Variants in PCDHGB4 observed in about 807,000 individuals in gnomAD.
PCDHGB4 encodes protocadherin gamma subfamily B, 4.
PCDHGB4 carries 38 observed loss-of-function variants against 60.5 expected under a neutral mutation model. The ratio of observed to expected loss-of-function variants is 0.63; its 90% CI spans 0.48 to 0.82. The LOEUF (loss-of-function observed/expected upper bound fraction) is 0.82, where lower values mean the gene tolerates loss of function less well. PCDHGB4 is among the 40% of genes least tolerant of loss of function. The pLI is 0.00. For missense variants in PCDHGB4, 1,109 were observed against 1,209.6 expected, an observed-to-expected ratio of 0.92 and a Z score of 1.23; for synonymous variants, 456 against 509.7, an observed-to-expected ratio of 0.89 and a Z score of 1.42.
chr5:141,446,558 T>G (rs1413501675), intron 1 of PCDHGB4, among the ~76,000 whole-genome samples: 3 of 151,788 alleles, frequency 2.0e-5, no homozygotes, highest in Non-Finnish European at 1.5e-5. Flanking sequence ...CTCACTGCAA[T>G]CTCTGCCTCC....
intron 1 of PCDHGB4, among the ~76,000 whole-genome samples, chr5:141,443,771 A>G (rs1031470429): frequency 9.2e-5 from 14 of 152,238 alleles, no homozygotes; most frequent in African/African-American, 3.1e-4. Context: ...ATACAATATT[A>G]CCAAAAAGAC....
chr5:141,415,772 T>TC, intron 1 of PCDHGB4: 1 of 1,332,986 alleles, frequency 7.5e-7, no homozygotes. Context: ...TTTTTTTTTT[T>TC]ACTTTCTGGT....
chr5:141,457,337 TTAC>T (rs1446765287), intron 1 of PCDHGB4, among the ~76,000 whole-genome samples: 2 of 152,202 alleles, frequency 1.3e-5, no homozygotes, highest in Non-Finnish European at 2.9e-5. Flanking sequence ...GGTACCTTAC[TTAC>T]TTTCATTACC....
intron 1 of PCDHGB4, chr5:141,408,127 G>A (rs1017651550): frequency 2.0e-6 from 3 of 1,480,258 alleles, no homozygotes; most frequent in African/African-American, 2.8e-5. Context: ...GTCCTGGGCC[G>A]AATGCTCTTT....
At position 141,432,298 on chromosome 5, in the gene PCDHGB4, A is replaced by G; in HGVS notation, c.2397+42017A>G. 6.2e-7 allele frequency: 1 copy of G among 1,614,236 alleles called. No homozygotes were observed. The highest frequency in any genetic ancestry group is 8.5e-7 in the Non-Finnish European group (1 of 1,180,036). The stretch of plus-strand genomic sequence containing the variant: ...TGTCCATCAACTCCGACACTGGGGT[A>G]CTGTATGCGCTGAGCTCCTTCGACT... On this transcript the variant is annotated intron_variant, in intron 1 of 3. Transcript: ENST00000519479. This position sits in a 1 kb window ranked among gnomAD's most constrained non-coding sequence, Gnocchi z 6.0.
intron 1 of PCDHGB4, chr5:141,410,640 G>T: frequency 1.3e-6 from 2 of 1,599,058 alleles, no homozygotes; most frequent in Non-Finnish European, 1.7e-6. Flanking sequence ...TCTTTTTTGT[G>T]TGTGATTTAT....
chr5:141,394,312 C>G (rs903124736), intron 1 of PCDHGB4: 3 of 1,613,908 alleles, frequency 1.9e-6, no homozygotes, highest in African/African-American at 1.3e-5. Context: ...CAGGGGGCGC[C>G]CCTGTCCTCG....
At chr5:141,433,837 C>CAAAA (rs56191208) in intron 1 of PCDHGB4, among the ~76,000 whole-genome samples, 6 of 111,700 alleles carry the variant, frequency 5.4e-5, no homozygotes, top group African/African-American at 1.9e-4. Flanking sequence ...AACTCTATCT[C>CAAAA]AAAAAAAAAA....
chr5:141,492,833 C>T (rs951935267), intron 1 of PCDHGB4, among the ~76,000 whole-genome samples: 2 of 152,222 alleles, frequency 1.3e-5, no homozygotes, highest in African/African-American at 4.8e-5. Flanking sequence ...CCCTTCCTCC[C>T]GCAGGAAGTG....
At chr5:141,403,414 T>C (rs373392812) in intron 1 of PCDHGB4, 142 of 1,613,926 alleles carry the variant, frequency 8.8e-5, no homozygotes, top group Middle Eastern at 1.6e-4. Context: ...GTTATCCACT[T>C]CCAGAAGCTA....
intron 2 of PCDHGB4, among the ~76,000 whole-genome samples, chr5:141,503,456 A>G (rs920770738): frequency 1.3e-5 from 2 of 152,058 alleles, no homozygotes; most frequent in African/African-American, 4.8e-5. Context: ...TTCGCTGGGC[A>G]TGGTGGCATG....
intron 1 of PCDHGB4, chr5:141,417,918 T>C (rs1371704441): frequency 1.2e-6 from 2 of 1,605,528 alleles, no homozygotes; most frequent in Non-Finnish European, 8.5e-7. Context: ...CTATTTCCTT[T>C]GCTGCTGCCT....
intron 1 of PCDHGB4, among the ~76,000 whole-genome samples, chr5:141,407,505 T>TTTTTTTTTTTTTTTTTTTTTTTGAG (rs1460306566): frequency 6.6e-6 from 1 of 152,146 alleles, no homozygotes; most frequent in Non-Finnish European, 1.5e-5. Context: ...CTGTTTTTCT[T>TTTTTTTTTTTTTTTTTTTTTTTGAG]AGGCTATGTA....
chr5:141,444,373 G>A (rs2098434682), intron 1 of PCDHGB4, among the ~76,000 whole-genome samples: 1 of 151,902 alleles, frequency 6.6e-6, no homozygotes, highest in South Asian at 2.1e-4. Context: ...GTTTCTCCAT[G>A]TTGGTCAGGC....
Position 141,388,662 on chromosome 5 carries a change from A to G in PCDHGB4, c.778A>G (p.Thr260Ala). The change falls in exon 1 of 4, where the codon ACG (threonine) becomes GCG (alanine). Residue 260 changes from threonine to alanine, a missense_variant. By Grantham distance (58) the Thr-to-Ala change is moderately conservative. This residue lies in a region of PCDHGB4 where 1,068 missense variants were observed against 1,089.9 expected (regional missense o/e 0.98). Transcript: ENST00000519479. ...SLSENVYPGT[T>A]VLQVTATDQD... ...TTCAGAAAACGTGTACCCGGGGACCACGGTGCTACAGGTGACTGCCACGGA... is the reference window on the plus strand; with the variant it reads ...TTCAGAAAACGTGTACCCGGGGACCGCGGTGCTACAGGTGACTGCCACGGA... 6.2e-7 allele frequency: 1 copy of G among 1,613,954 alleles called. No individual in the cohort carries two copies. The highest frequency in any genetic ancestry group is 1.3e-5 in the African/African-American group (1 of 75,036).
rs2099883798 is a variant in PCDHGB4, at chr5:141,511,451, AT to A, written c.*281del. On this transcript the variant is annotated 3_prime_UTR_variant, in exon 4 of 4. Transcript: ENST00000519479. ...GGGGTTACTGTAGACACCAAGAACC[AT>A]TTGCCACACCCCGTTTAGTTACAGC... The A allele has an allele frequency of 3.3e-6, 2 of 606,372 alleles. No individual in the cohort carries two copies. Among genetic ancestry groups the A allele is most frequent in the African/African-American group, 1.9e-5 (1 of 53,734 alleles). 37.6% of individuals were successfully genotyped at this position (606,372 alleles called of 1,614,324 possible).
chr5:141,449,804 T>C (rs991937787), intron 1 of PCDHGB4, among the ~76,000 whole-genome samples: 2 of 151,676 alleles, frequency 1.3e-5, no homozygotes, highest in Non-Finnish European at 2.9e-5. Flanking sequence ...AAATACCTCA[T>C]TGTGTATTTC....
chr5:141,403,465 G>A, intron 1 of PCDHGB4: 1 of 1,614,018 alleles, frequency 6.2e-7, no homozygotes, highest in Non-Finnish European at 8.5e-7. Context: ...AGAGCTACCA[G>A]CTCAGCCCCA....
At chr5:141,423,874 A>T (rs1264795133) in intron 1 of PCDHGB4, 2 of 1,283,268 alleles carry the variant, frequency 1.6e-6, no homozygotes, top group African/African-American at 3.1e-5. Flanking sequence ...GTCATTTTTC[A>T]ATCTTGGCAT....
Sources: gnomAD v4.1 joint callset for allele counts (sites outside exome capture counted in the v4.1 genomes callset) on GRCh38, gnomAD v4.1.1 for gene constraint, gnomAD v4.1.1 regional missense constraint, Gnocchi (gnomAD v3.1) non-coding constraint, MANE v1.5 for transcripts, NCBI Gene and HGNC (gene_info 2026-07-23, HGNC 2026-07-21) for gene names.